The following CDH2 variants were observed in gnomAD, a reference collection of about 807,000 sequenced individuals.
CDH2 encodes the protein cadherin 2.
In CDH2, 17 loss-of-function variants were observed where a neutral mutation model predicts 92.0. That is an observed-to-expected ratio of 0.18 (90% CI 0.13 to 0.28). The LOEUF (loss-of-function observed/expected upper bound fraction) is 0.28, where lower values mean the gene tolerates loss of function less well. Among genes scored for constraint, CDH2 ranks in the 10% least tolerant of loss-of-function variants. The pLI is 1.00. For missense variants in CDH2, 862 were observed against 1,133.1 expected (o/e 0.76, Z 3.44); for synonymous variants, 419 against 415.9 (o/e 1.01, Z -0.09).
At chr18:27,955,672 T>C (rs1474542470) in intron 15 of CDH2, among the ~76,000 whole-genome samples, 1 of 151,544 alleles carries the variant, frequency 6.6e-6, no homozygotes, top group Non-Finnish European at 1.5e-5. Context: ...ATTGAGAGTC[T>C]AAAAAATATT....
chr18:28,013,937 A>C (rs2013170613), intron 2 of CDH2, 28 bp from the exon 3 acceptor site: 2 of 1,542,852 alleles, frequency 1.3e-6, no homozygotes, highest in African/African-American at 2.7e-5. Flanking sequence ...TAGGTCAGTT[A>C]TTATAATTAT....
intron 2 of CDH2, among the ~76,000 whole-genome samples, chr18:28,091,115 A>G (rs2015029035): frequency 6.6e-6 from 1 of 152,230 alleles, no homozygotes; most frequent in African/African-American, 2.4e-5. Flanking sequence ...TCTGCTATGA[A>G]GCCAAAAGAA....
chr18:27,998,830 G>A (rs2012671903), intron 7 of CDH2, among the ~76,000 whole-genome samples: 3 of 152,188 alleles, frequency 2.0e-5, no homozygotes, highest in African/African-American at 4.8e-5. Flanking sequence ...ATGTGGCCCA[G>A]GCTGGTCTCA....
intron 2 of CDH2, among the ~76,000 whole-genome samples, chr18:28,059,365 C>T (rs1386252459): frequency 6.6e-6 from 1 of 152,206 alleles, no homozygotes; most frequent in Admixed American, 6.5e-5. Flanking sequence ...TTGGACTAGG[C>T]TCCTGTACTT....
At chr18:28,169,275 A>G (rs1435955023) in intron 1 of CDH2, among the ~76,000 whole-genome samples, 2 of 152,190 alleles carry the variant, frequency 1.3e-5, no homozygotes, top group African/African-American at 2.4e-5. Context: ...GAATGTCTTA[A>G]AACTGCAGAT....
chr18:27,933,871 C>T (rs1259974850), intron 6 of CDH2, among the ~76,000 whole-genome samples: 1 of 152,134 alleles, frequency 6.6e-6, no homozygotes, highest in East Asian at 1.9e-4. Flanking sequence ...TTTATCAGAA[C>T]TTGTTGACTT....
At chr18:28,025,244 G>A (rs544001635) in intron 2 of CDH2, among the ~76,000 whole-genome samples, 18 of 152,190 alleles carry the variant, frequency 1.2e-4, no homozygotes, top group African/African-American at 2.6e-4. Context: ...TAGGCTGGGC[G>A]CAGTGGCTCA....
At chr18:28,129,402 A>T (rs550276481) in intron 2 of CDH2, among the ~76,000 whole-genome samples, 15 of 152,376 alleles carry the variant, frequency 9.8e-5, no homozygotes, top group Admixed American at 2.0e-4. Flanking sequence ...GTTTGCATTG[A>T]TATATTAGGT....
chr18:28,074,907 CTGAGT>C (rs1373628447), intron 2 of CDH2, among the ~76,000 whole-genome samples: 2 of 152,012 alleles, frequency 1.3e-5, no homozygotes, highest in Admixed American at 1.3e-4. Flanking sequence ...TGTTAACACA[CTGAGT>C]TAACAGTGTG....
At chr18:28,111,643 G>C (rs1201219335) in intron 2 of CDH2, among the ~76,000 whole-genome samples, 1 of 152,020 alleles carries the variant, frequency 6.6e-6, no homozygotes, top group Non-Finnish European at 1.5e-5. Context: ...GTCAAACCCT[G>C]GCAGAAAGAA....
intron 7 of CDH2, among the ~76,000 whole-genome samples, chr18:28,000,384 G>A (rs1013795955): frequency 1.3e-5 from 2 of 152,186 alleles, no homozygotes; most frequent in African/African-American, 4.8e-5. Context: ...TTACAGGTAT[G>A]AGCCACCGTG....
At chr18:28,130,988 T>A (rs1354397381) in intron 2 of CDH2, among the ~76,000 whole-genome samples, 3 of 152,300 alleles carry the variant, frequency 2.0e-5, no homozygotes, top group African/African-American at 7.2e-5. Flanking sequence ...TCTTTATTTT[T>A]ATTAATAAAA....
At chr18:28,174,871 G>A (rs45611632) in intron 1 of CDH2, among the ~76,000 whole-genome samples, 2,873 of 152,200 alleles carry the variant, frequency 0.019, 44 homozygotes, top group Non-Finnish European at 0.028. Context: ...TCACACTGAG[G>A]ATTTACTGTC....
In CDH2 at chr18:28,013,886, T is replaced by C. The variant is rs201274796; in HGVS notation, c.196A>G (p.Lys66Glu). 1.1e-5 allele frequency: 17 copies of C among 1,613,036 alleles called. No homozygotes were observed. The highest frequency in any genetic ancestry group is 1.4e-5 in the Non-Finnish European group (17 of 1,179,868). ...LNVKFSNCNGKRKVQYESSEP... is the reference protein window; with the variant it reads ...LNVKFSNCNGERKVQYESSEP... Reference sequence around the variant, plus strand: ...CTGCTCTCATATTGTACTTTTCTTTTTCCATTGCAGTTGCTAAACTTCACT... The same window carrying C: ...CTGCTCTCATATTGTACTTTTCTTTCTCCATTGCAGTTGCTAAACTTCACT... The change falls in exon 3 of 16, where the codon AAA becomes GAA. Residue 66 changes from lysine to glutamate, a missense_variant. Lys to Glu is a moderately conservative substitution (Grantham distance 56, BLOSUM62 1). Transcript: ENST00000269141.
At chr18:27,964,304 C>T (rs1481622620) in intron 14 of CDH2, among the ~76,000 whole-genome samples, 1 of 152,196 alleles carries the variant, frequency 6.6e-6, no homozygotes, top group East Asian at 1.9e-4. Flanking sequence ...GAAGGATGCT[C>T]TGGCCATAGG....
chr18:27,984,574 G>T (rs781200339), intron 13 of CDH2, among the ~76,000 whole-genome samples: 1 of 152,138 alleles, frequency 6.6e-6, no homozygotes, highest in Non-Finnish European at 1.5e-5. Flanking sequence ...ACTGGAGCAC[G>T]TTGCTGACTG....
intron 14 of CDH2, among the ~76,000 whole-genome samples, chr18:27,976,721 C>T (rs781279704): frequency 2.0e-5 from 3 of 152,150 alleles, no homozygotes; most frequent in Non-Finnish European, 4.4e-5. Flanking sequence ...CACCAAATAA[C>T]AGCTTTTGCT....
At chr18:28,029,217 A>G (rs2144078860) in intron 2 of CDH2, among the ~76,000 whole-genome samples, 1 of 152,258 alleles carries the variant, frequency 6.6e-6, no homozygotes, top group Admixed American at 6.5e-5. Flanking sequence ...CACAAAGAAA[A>G]CAAGCACAAG....
At chr18:28,064,254 T>C (rs1439555210) in intron 2 of CDH2, among the ~76,000 whole-genome samples, 1 of 152,142 alleles carries the variant, frequency 6.6e-6, no homozygotes, top group African/African-American at 2.4e-5. Context: ...ATTTTTCTCA[T>C]CTCTTTTTAA....
Sources: allele counts gnomAD v4.1 joint callset (sites outside exome capture counted in the v4.1 genomes callset), GRCh38; gene constraint gnomAD v4.1.1; transcripts MANE v1.5; gene names NCBI Gene and HGNC (gene_info 2026-07-23, HGNC 2026-07-21).